DESI2: variants seen among roughly 807,000 people sequenced by gnomAD.
The protein encoded by DESI2 is deubiquitinase DESI2.
Under a neutral mutation model 24.1 loss-of-function variants are expected in DESI2, and 10 were observed. That is an observed-to-expected ratio of 0.41 (90% CI 0.26 to 0.70). The LOEUF is 0.70. Among genes scored for constraint, DESI2 ranks in the 30% least tolerant of loss-of-function variants. DESI2 has a pLI of 0.29. For missense variants in DESI2, 122 were observed against 234.9 expected, an observed-to-expected ratio of 0.52 and a Z score of 3.14; for synonymous variants, 71 against 87.7, an observed-to-expected ratio of 0.81 and a Z score of 1.06.
Position 244,665,677 on chromosome 1 carries a change from CTT to C in DESI2, c.42+12323_42+12324del, listed in dbSNP as rs1349618604. On this transcript the variant is annotated intron_variant, in intron 1 of 4. Transcript: ENST00000302550. The stretch of plus-strand genomic sequence containing the variant: ...AATTACCCTTCAAAATATGGATGGG[CTT>C]CATCCAGTCAGTTGAAGGCCTTAAA... Among the ~76,000 whole-genome samples, 6 of 152,278 alleles carry C rather than the reference CTT, an allele frequency of 3.9e-5. No homozygotes were observed. The East Asian group carries it at 1.2e-3, about 29-fold the overall frequency.
At chr1:244,691,137 G>A (rs2148809608) in intron 3 of DESI2, among the ~76,000 whole-genome samples, 1 of 152,324 alleles carries the variant, frequency 6.6e-6, no homozygotes, top group South Asian at 2.1e-4. Flanking sequence ...CACCCTGGCT[G>A]GAGTACAGTG....
chr1:244,682,107 G>GAGC (rs1283993235), intron 1 of DESI2, among the ~76,000 whole-genome samples: 3 of 152,212 alleles, frequency 2.0e-5, no homozygotes, highest in Admixed American at 2.0e-4. Context: ...CCCAAAGAGT[G>GAGC]AGCAGCAGCA....
In DESI2 at chr1:244,673,329, C is replaced by G. The variant is rs901106968; in HGVS notation, c.43-13268C>G. Among the ~76,000 whole-genome samples the G allele has an allele frequency of 2.6e-5, 4 of 152,310 alleles. No homozygotes were observed. In the East Asian group the frequency reaches 7.7e-4, roughly 29 times the overall value. ...CTCTGAATCTATTAAGAAAAAACGTCACACCAAAGAAAAACATCTAATTTA... is the reference window on the plus strand; with the variant it reads ...CTCTGAATCTATTAAGAAAAAACGTGACACCAAAGAAAAACATCTAATTTA... On this transcript the variant is annotated intron_variant, in intron 1 of 4. Transcript: ENST00000302550.
chr1:244,687,583 AAG>A (rs1186671943), intron 2 of DESI2, among the ~76,000 whole-genome samples: 1 of 152,236 alleles, frequency 6.6e-6, no homozygotes, highest in Admixed American at 6.5e-5. Context: ...ATACAAAGAA[AAG>A]ACTCATTTAC....
chr1:244,671,178 G>A (rs1676232878), intron 1 of DESI2, among the ~76,000 whole-genome samples: 1 of 152,190 alleles, frequency 6.6e-6, no homozygotes, highest in Non-Finnish European at 1.5e-5. Context: ...GGTATGTTAG[G>A]AAGGGTTTGA....
chr1:244,683,920 G>A (rs1224052046), intron 1 of DESI2, among the ~76,000 whole-genome samples: 8 of 150,770 alleles, frequency 5.3e-5, no homozygotes, highest in Admixed American at 5.3e-4. Flanking sequence ...GCCTAGGGGG[G>A]TCTTGAACTC....
At chr1:244,687,205 C>T (rs1558662525) in intron 2 of DESI2, among the ~76,000 whole-genome samples, 1 of 152,130 alleles carries the variant, frequency 6.6e-6, no homozygotes, top group Admixed American at 6.5e-5. Flanking sequence ...ATGATTACAT[C>T]TAATCATGCC....
chr1:244,653,532 C>T, intron 1 of DESI2, 177 bp downstream of exon 1: 2 of 602,100 alleles, frequency 3.3e-6, no homozygotes, highest in Non-Finnish European at 5.4e-6. Flanking sequence ...TCGCACTCGT[C>T]GACGCTCCGG....
Position 244,690,339 on chromosome 1 carries a change from G to A in DESI2, c.209+997G>A, listed in dbSNP as rs1164383683. Among the ~76,000 whole-genome samples, 5 of 152,140 alleles carry A rather than the reference G, an allele frequency of 3.3e-5. No homozygotes were observed. The East Asian group carries it at 7.7e-4, about 23-fold the overall frequency. On this transcript the variant is annotated intron_variant, in intron 3 of 4. Coordinates refer to ENST00000302550, the MANE Select transcript of DESI2 (RefSeq NM_016076.5). ...ACGGTGTTTGGTTTTCTGTCCTTGT[G>A]ATAGTTTGCTGAGAATGAGAATATA... is the stretch of plus-strand genomic sequence containing the variant.
chr1:244,686,724 G>T, intron 2 of DESI2, 55 bp downstream of exon 2: 1 of 1,166,728 alleles, frequency 8.6e-7, no homozygotes, highest in Non-Finnish European at 1.3e-6. Flanking sequence ...CTTTAAAAGA[G>T]TTGCAAAATC....
intron 1 of DESI2, among the ~76,000 whole-genome samples, chr1:244,684,824 T>C (rs1318415087): frequency 6.6e-6 from 1 of 152,234 alleles, no homozygotes; most frequent in East Asian, 1.9e-4. Context: ...GTCACTTTCA[T>C]TGATTTTCAC....
chr1:244,680,818 T>C (rs777407210), intron 1 of DESI2, among the ~76,000 whole-genome samples: 2 of 152,188 alleles, frequency 1.3e-5, no homozygotes, highest in Non-Finnish European at 2.9e-5. Flanking sequence ...TTTCTTCTAA[T>C]GGTTTTATCA....
chr1:244,674,514 C>T (rs1340412339), intron 1 of DESI2, among the ~76,000 whole-genome samples: 1 of 152,184 alleles, frequency 6.6e-6, no homozygotes. Flanking sequence ...GCAATCACTT[C>T]CCATATCTTC....
chr1:244,664,944 A>T (rs1675991163), intron 1 of DESI2, among the ~76,000 whole-genome samples: 1 of 152,210 alleles, frequency 6.6e-6, no homozygotes, highest in African/African-American at 2.4e-5. Flanking sequence ...AGTTATCCCA[A>T]TGCTGTTTAT....
chr1:244,681,613 G>GT (rs1676616838), intron 1 of DESI2, among the ~76,000 whole-genome samples: 6 of 152,102 alleles, frequency 3.9e-5, no homozygotes, highest in Admixed American at 3.9e-4. Flanking sequence ...CCACCTCTTG[G>GT]TACATACACG....
chr1:244,675,349 A>G (rs1047218932), intron 1 of DESI2, among the ~76,000 whole-genome samples: 1 of 152,162 alleles, frequency 6.6e-6, no homozygotes, highest in Admixed American at 6.5e-5. Flanking sequence ...TGTCATATCT[A>G]TGAAGCCATT....
chr1:244,683,861 T>C (rs1372395935), intron 1 of DESI2, among the ~76,000 whole-genome samples: 4 of 147,360 alleles, frequency 2.7e-5, no homozygotes, highest in Non-Finnish European at 6.0e-5. Flanking sequence ...GGACCACGGG[T>C]ACCTGGCTAA....
intron 1 of DESI2, among the ~76,000 whole-genome samples, chr1:244,683,079 A>AT (rs1676674383): frequency 6.6e-6 from 1 of 152,070 alleles, no homozygotes; most frequent in Admixed American, 6.5e-5. Flanking sequence ...TTAGGGATCC[A>AT]GGGGGGTTCT....
chr1:244,675,688 G>A (rs1676391959), intron 1 of DESI2, among the ~76,000 whole-genome samples: 1 of 152,140 alleles, frequency 6.6e-6, no homozygotes, highest in African/African-American at 2.4e-5. Context: ...GTAGCTCTGT[G>A]CTAAATGTTG....
Sources: allele counts gnomAD v4.1 joint callset (sites outside exome capture counted in the v4.1 genomes callset), GRCh38; gene constraint gnomAD v4.1.1; transcripts MANE v1.5; gene names NCBI Gene and HGNC (gene_info 2026-07-23, HGNC 2026-07-21).